The following EYA1 variants were observed in gnomAD, a reference collection of about 807,000 sequenced individuals.
EYA1 encodes the protein EYA transcriptional coactivator and phosphatase 1.
Under a neutral mutation model 82.0 loss-of-function variants are expected in EYA1, and 16 were observed. The ratio of observed to expected loss-of-function variants is 0.20; its 90% CI spans 0.13 to 0.30. The LOEUF is 0.30. Among genes scored for constraint, EYA1 ranks in the 10% least tolerant of loss-of-function variants. EYA1 has a pLI of 1.00. For synonymous variants in EYA1, 261 were observed against 264.4 expected, an observed-to-expected ratio of 0.99 and a Z score of 0.12; for missense variants, 633 against 730.7, an observed-to-expected ratio of 0.87 and a Z score of 1.54.
At chr8:71,229,906 T>G (rs1264882967) in intron 12 of EYA1, among the ~76,000 whole-genome samples, 2 of 152,204 alleles carry the variant, frequency 1.3e-5, no homozygotes, top group Non-Finnish European at 2.9e-5. Flanking sequence ...TATAAAATAA[T>G]GTTGATCAAA....
chr8:71,335,130 T>A (rs1563488191), intron 3 of EYA1, among the ~76,000 whole-genome samples: 1 of 152,230 alleles, frequency 6.6e-6, no homozygotes, highest in African/African-American at 2.4e-5. Context: ...CATTTCTTAG[T>A]AACAGATTTT....
At chr8:71,226,043 C>A (rs554075023) in intron 12 of EYA1, among the ~76,000 whole-genome samples, 3 of 152,188 alleles carry the variant, frequency 2.0e-5, no homozygotes, top group African/African-American at 4.8e-5. Flanking sequence ...AAAGTCTTTA[C>A]TGAAAGTTCC....
At chr8:71,515,151 T>C (rs1461115627) in intron 2 of EYA1, among the ~76,000 whole-genome samples, 16 of 152,104 alleles carry the variant, frequency 1.1e-4, no homozygotes, top group Admixed American at 1.0e-3. Context: ...CAGTGTTAGT[T>C]GAGTAGCTAC....
At chr8:71,515,928 T>C (rs1812941965) in intron 2 of EYA1, among the ~76,000 whole-genome samples, 1 of 152,122 alleles carries the variant, frequency 6.6e-6, no homozygotes, top group South Asian at 2.1e-4. Context: ...ATAAAACCTA[T>C]ACAAATATAT....
At chr8:71,335,896 T>C (rs1193583828) in intron 3 of EYA1, among the ~76,000 whole-genome samples, 1 of 152,166 alleles carries the variant, frequency 6.6e-6, no homozygotes, top group East Asian at 1.9e-4. Context: ...ACTAAGATTC[T>C]GAACTCAGAA....
At chr8:71,216,461 C>T (rs1019919749) in intron 14 of EYA1, among the ~76,000 whole-genome samples, 3 of 151,998 alleles carry the variant, frequency 2.0e-5, no homozygotes, top group African/African-American at 4.8e-5. Context: ...GAAACTTGCC[C>T]CAGGTCACAT....
At chr8:71,519,030 G>A (rs975765491) in intron 2 of EYA1, among the ~76,000 whole-genome samples, 4 of 152,108 alleles carry the variant, frequency 2.6e-5, no homozygotes, top group Non-Finnish European at 4.4e-5. Flanking sequence ...TTAATGTACT[G>A]TACAGTTTGG....
chr8:71,420,782 T>A (rs185033655), intron 2 of EYA1, among the ~76,000 whole-genome samples: 1 of 152,308 alleles, frequency 6.6e-6, no homozygotes, highest in East Asian at 1.9e-4. Context: ...TGATCAGTTA[T>A]GAATTAATAT....
intron 1 of EYA1, among the ~76,000 whole-genome samples, chr8:71,545,619 T>C (rs1563723846): frequency 2.1e-5 from 3 of 142,328 alleles, no homozygotes; most frequent in Non-Finnish European, 4.5e-5. Flanking sequence ...TGGAGTGCAG[T>C]GGGGCGATCT....
At chr8:71,528,920 A>T (rs1473261155) in intron 2 of EYA1, among the ~76,000 whole-genome samples, 1 of 152,210 alleles carries the variant, frequency 6.6e-6, no homozygotes, top group Admixed American at 6.5e-5. Context: ...CTGACTTTAA[A>T]TGTCCTGCCC....
At chr8:71,336,079 C>T (rs1162276267) in intron 3 of EYA1, among the ~76,000 whole-genome samples, 2 of 152,148 alleles carry the variant, frequency 1.3e-5, no homozygotes, top group South Asian at 2.1e-4. Flanking sequence ...CTTCTTGTTT[C>T]CCATGCACAC....
chr8:71,476,501 G>C (rs1468327807), intron 2 of EYA1, among the ~76,000 whole-genome samples: 1 of 151,960 alleles, frequency 6.6e-6, no homozygotes, highest in Non-Finnish European at 1.5e-5. Context: ...AAATACCCAG[G>C]AGTAAATTCA....
At chr8:71,504,161 T>C (rs1355917704) in intron 2 of EYA1, among the ~76,000 whole-genome samples, 1 of 152,170 alleles carries the variant, frequency 6.6e-6, no homozygotes, top group Non-Finnish European at 1.5e-5. Context: ...CACATTTTTA[T>C]TTACTATAAT....
intron 2 of EYA1, among the ~76,000 whole-genome samples, chr8:71,485,145 T>C (rs1175665620): frequency 1.3e-5 from 2 of 152,234 alleles, no homozygotes; most frequent in Non-Finnish European, 2.9e-5. Flanking sequence ...TTGTTGTGAA[T>C]AAAAGTAGAT....
At chr8:71,247,669 T>A (rs1225720936) in intron 11 of EYA1, among the ~76,000 whole-genome samples, 1 of 152,178 alleles carries the variant, frequency 6.6e-6, no homozygotes, top group Non-Finnish European at 1.5e-5. Flanking sequence ...ACTCTTGGAT[T>A]TATAAGAAAT....
rs943299686 is a variant in EYA1 at position 71,527,295 on chromosome 8, C to T, written c.33+8449G>A. On this transcript the variant is annotated intron_variant, in intron 2 of 18. Transcript: ENST00000643681. ...TTGATGATTGGTCTTCCTGCCCATC[C>T]CTTGGTGACCACCACACATTTATTT... Among the ~76,000 whole-genome samples the T allele has an allele frequency of 2.0e-5, 3 of 152,200 alleles. No individual in the cohort carries two copies. The East Asian group carries it at 5.8e-4, about 29-fold the overall frequency.
At chr8:71,354,052 G>A (rs748870644) in intron 3 of EYA1, among the ~76,000 whole-genome samples, 33 of 152,080 alleles carry the variant, frequency 2.2e-4, no homozygotes, top group Non-Finnish European at 3.5e-4. Context: ...TGTATAACAG[G>A]TAGCAAAAAT....
At chr8:71,230,187 A>G (rs1811029486) in intron 12 of EYA1, among the ~76,000 whole-genome samples, 1 of 152,030 alleles carries the variant, frequency 6.6e-6, no homozygotes, top group African/African-American at 2.4e-5. Context: ...TAAAAAAAAA[A>G]GGTCTAAGGG....
chr8:71,320,390 G>A (rs1419042993), intron 6 of EYA1, among the ~76,000 whole-genome samples: 3 of 152,190 alleles, frequency 2.0e-5, no homozygotes, highest in Admixed American at 6.5e-5. Flanking sequence ...TTTTGAGAAC[G>A]TAAATCAAAG....
Sources: gnomAD v4.1 joint callset for allele counts (sites outside exome capture counted in the v4.1 genomes callset) on GRCh38, gnomAD v4.1.1 for gene constraint, MANE v1.5 for transcripts, NCBI Gene and HGNC (gene_info 2026-07-23, HGNC 2026-07-21) for gene names.